Variants in NDRG3 observed in about 807,000 individuals in gnomAD.
NDRG3 encodes the protein protein NDRG3.
NDRG3 carries 23 observed loss-of-function variants against 57.2 expected under a neutral mutation model. The observed-to-expected ratio is 0.40, with a 90% confidence interval of 0.29 to 0.57. The LOEUF is 0.57. Ranked by LOEUF, NDRG3 falls within the 20% of genes least tolerant of loss-of-function variation. The pLI is 0.42. For missense variants in NDRG3, 384 were observed against 457.3 expected, an observed-to-expected ratio of 0.84 and a Z score of 1.46; for synonymous variants, 132 against 162.6, an observed-to-expected ratio of 0.81 and a Z score of 1.43.
chr20:36,657,258 C>CG (rs1456251173), intron 13 of NDRG3, among the ~76,000 whole-genome samples: 2 of 151,736 alleles, frequency 1.3e-5, no homozygotes, highest in African/African-American at 2.4e-5. Flanking sequence ...AGGCCGAGGT[C>CG]GGGGGGATCA....
chr20:36,693,135 TATATATACAC>T (rs771508158), intron 3 of NDRG3, among the ~76,000 whole-genome samples: 1 of 64,404 alleles, frequency 1.6e-5, no homozygotes, highest in Admixed American at 2.6e-4. Context: ...TATATATATA[TATATATACAC>T]ACACACACAT....
intron 3 of NDRG3, among the ~76,000 whole-genome samples, chr20:36,697,963 CTTTTTTTTTTTTTTTT>C: frequency 8.1e-6 from 1 of 123,064 alleles, no homozygotes; most frequent in Non-Finnish European, 1.7e-5. Flanking sequence ...TTTCTTTTTT[CTTTTTTTTTTTTTTTT>C]TTTTGAGACA....
chr20:36,679,561 T>C (rs1426618085), intron 8 of NDRG3, among the ~76,000 whole-genome samples: 1 of 151,702 alleles, frequency 6.6e-6, no homozygotes, highest in Non-Finnish European at 1.5e-5. Context: ...TGGAGCGCAA[T>C]GGTGTGATCT....
At chr20:36,706,647 G>T (rs963501705) in intron 3 of NDRG3, among the ~76,000 whole-genome samples, 5 of 152,132 alleles carry the variant, frequency 3.3e-5, no homozygotes, top group Non-Finnish European at 4.4e-5. Flanking sequence ...GGCATTACAA[G>T]CATGCACCAC....
chr20:36,681,041 A>C, intron 7 of NDRG3, 139 bp from the exon 8 acceptor site: 1 of 639,630 alleles, frequency 1.6e-6, no homozygotes, highest in South Asian at 2.0e-5. Flanking sequence ...GAGGGAGAAC[A>C]TGTGGAAAAA....
intron 3 of NDRG3, among the ~76,000 whole-genome samples, chr20:36,705,321 C>CAAAAAA: frequency 1.4e-5 from 1 of 72,218 alleles, no homozygotes; most frequent in African/African-American, 4.4e-5. Flanking sequence ...GACTCTGTCT[C>CAAAAAA]AAAAAAAAAA....
At chr20:36,745,837 C>A (rs531107740) in intron 1 of NDRG3, among the ~76,000 whole-genome samples, 5 of 132,722 alleles carry the variant, frequency 3.8e-5, no homozygotes, top group Admixed American at 2.3e-4. Context: ...GCGCGGGGAG[C>A]GGCCGAGGAA....
At chr20:36,733,171 A>AAAAAAATAT (rs1555807709) in intron 1 of NDRG3, among the ~76,000 whole-genome samples, 7 of 33,216 alleles carry the variant, frequency 2.1e-4, no homozygotes, top group South Asian at 1.2e-3. Context: ...AAAAAAAAAA[A>AAAAAAATAT]ATATATATAT....
At chr20:36,721,839 T>C in intron 1 of NDRG3, 56 bp from the exon 2 acceptor site, 1 of 787,956 alleles carries the variant, frequency 1.3e-6, no homozygotes, top group Non-Finnish European at 2.1e-6. Flanking sequence ...GTTGGAAACA[T>C]AATAGTCACA....
In NDRG3 at chr20:36,656,398, G is replaced by C; in HGVS notation, c.908C>G (p.Thr303Ser). ...LPQVVQPGKL[T>S]EAFKYFLQGM... ...CTGCAAAAAGTACTTGAAGGCCTCG[G>C]TGAGCTTCCCAGGCTGGGGGGATAA... The change falls in exon 15 of 16, where the codon ACC becomes AGC. Residue 303 changes from threonine (T) to serine (S), a missense_variant. Thr to Ser is a moderately conservative substitution (Grantham distance 58). Coordinates refer to ENST00000349004, the MANE Select transcript of NDRG3 (RefSeq NM_032013.4). 1.2e-6 allele frequency: 2 copies of C among 1,614,116 alleles called. No individual in the cohort carries two copies. The highest frequency in any genetic ancestry group is 1.7e-6 in the Non-Finnish European group (2 of 1,180,016).
At chr20:36,742,964 T>A (rs535932200) in intron 1 of NDRG3, among the ~76,000 whole-genome samples, 1 of 152,344 alleles carries the variant, frequency 6.6e-6, no homozygotes, top group South Asian at 2.1e-4. Context: ...AAATACCATG[T>A]AATGATATAC....
intron 2 of NDRG3, among the ~76,000 whole-genome samples, chr20:36,708,647 C>CAAAAAAAAAAAAAA (rs746647555): frequency 3.2e-5 from 2 of 62,454 alleles, no homozygotes; most frequent in African/African-American, 1.2e-4. Context: ...GACTCCGTCT[C>CAAAAAAAAAAAAAA]AAAAAAAAAA....
intron 3 of NDRG3, among the ~76,000 whole-genome samples, chr20:36,695,760 C>G (rs1206521728): frequency 6.6e-6 from 1 of 152,214 alleles, no homozygotes; most frequent in Non-Finnish European, 1.5e-5. Flanking sequence ...TAGTTTCGCC[C>G]TGGCCTTGTG....
intron 1 of NDRG3, among the ~76,000 whole-genome samples, chr20:36,745,638 T>C (rs777662642): frequency 5.3e-5 from 8 of 152,166 alleles, no homozygotes. Flanking sequence ...CGGCCCCTCT[T>C]CCAAGCATCT....
intron 1 of NDRG3, among the ~76,000 whole-genome samples, chr20:36,733,146 C>CAAAAAAAA (rs141850127): frequency 2.6e-5 from 1 of 38,976 alleles, no homozygotes. Context: ...GATCCTGTCT[C>CAAAAAAAA]AAAAAAAAAA....
At chr20:36,661,399 C>T (rs926063589) in intron 12 of NDRG3, among the ~76,000 whole-genome samples, 1 of 152,134 alleles carries the variant, frequency 6.6e-6, no homozygotes, top group Non-Finnish European at 1.5e-5. Flanking sequence ...TGGATTTCTC[C>T]GTTTATATGT....
chr20:36,656,246 G>T, intron 15 of NDRG3, 114 bp downstream of exon 15: 1 of 927,852 alleles, frequency 1.1e-6, no homozygotes, highest in Admixed American at 2.4e-5. Flanking sequence ...TTTCTACTTT[G>T]CTTAAGGCTA....
At chr20:36,714,074 A>C (rs1270309304) in intron 2 of NDRG3, among the ~76,000 whole-genome samples, 4 of 152,144 alleles carry the variant, frequency 2.6e-5, no homozygotes. Flanking sequence ...ATAATCAACT[A>C]GTATAATAAA....
intron 1 of NDRG3, among the ~76,000 whole-genome samples, chr20:36,735,495 T>C (rs1985557177): frequency 1.3e-5 from 2 of 152,214 alleles, no homozygotes; most frequent in African/African-American, 4.8e-5. Context: ...AGTTATCATG[T>C]TTACATTGCA....
Sources: gnomAD v4.1 joint callset for allele counts (sites outside exome capture counted in the v4.1 genomes callset) on GRCh38, gnomAD v4.1.1 for gene constraint, MANE v1.5 for transcripts, NCBI Gene and HGNC (gene_info 2026-07-23, HGNC 2026-07-21) for gene names.